Variants in MACF1 observed in about 807,000 individuals in gnomAD.
MACF1 encodes the protein microtubule actin crosslinking factor 1, also known as microtubule-actin cross-linking factor 1.
A neutral mutation model predicts 854.8 loss-of-function variants in MACF1; 193 were observed. The ratio of observed to expected loss-of-function variants is 0.23; its 90% CI spans 0.20 to 0.25. MACF1 has a LOEUF of 0.25. MACF1 is among the 10% of genes least tolerant of loss of function. The pLI, the probability that MACF1 is intolerant of heterozygous loss-of-function variation, is 1.00. For missense variants in MACF1, 7,722 were observed against 8,929.1 expected, an observed-to-expected ratio of 0.86 and a Z score of 5.45; for synonymous variants, 3,185 against 3,226.7, an observed-to-expected ratio of 0.99 and a Z score of 0.44.
intron 23 of MACF1, among the ~76,000 whole-genome samples, chr1:39,303,866 G>A (rs1646106641): frequency 6.7e-6 from 1 of 149,178 alleles, no homozygotes; most frequent in Admixed American, 6.7e-5. Context: ...GACAAAGGGA[G>A]ACTCCGTCTC....
intron 1 of MACF1, among the ~76,000 whole-genome samples, chr1:39,225,998 C>T (rs1299620459): frequency 6.6e-6 from 1 of 152,090 alleles, no homozygotes; most frequent in Non-Finnish European, 1.5e-5. Flanking sequence ...TTCTTTTATC[C>T]TGAAGTTTAA....
chr1:39,187,895 T>TGTCTCTCTCTCTCTCTCTCTC (rs1553160211), intron 2 of MACF1, among the ~76,000 whole-genome samples: 31 of 68,436 alleles, frequency 4.5e-4, no homozygotes, highest in East Asian at 2.0e-3. Context: ...TCTCTCTCTC[T>TGTCTCTCTCTCTCTCTCTCTC]CTCTCTCCTC....
intron 28 of MACF1, among the ~76,000 whole-genome samples, 200 bp from the exon 29 acceptor site, chr1:39,317,014 G>T (rs908321285): frequency 2.0e-5 from 3 of 152,232 alleles, no homozygotes; most frequent in Non-Finnish European, 4.4e-5. Flanking sequence ...ATAGAGTACT[G>T]CCTGTCCTTG....
At position 39,335,602 on chromosome 1, in the gene MACF1, T is replaced by G; in HGVS notation, c.9014T>G (p.Ile3005Ser). Residue 3005 changes from isoleucine (I) to serine (S), a missense_variant, in exon 37 of 101, where the codon ATT (isoleucine) becomes AGT (serine). Ile to Ser is a moderately radical substitution (Grantham distance 142, BLOSUM62 -2). Around this residue, in one of 15 missense-constraint regions of MACF1, gnomAD observed 854 missense variants for 852.6 expected, o/e 1.00. Transcript: ENST00000564288. ...SEEKLYQETA[I>S]RDEHDSHIKS... ...GAAAAGTTGTATCAGGAAACTGCCA[T>G]TAGAGATGAGCATGACTCCCATATA... 1.2e-6 allele frequency: 2 copies of G among 1,614,100 alleles called. No individual in the cohort carries two copies. The highest frequency in any genetic ancestry group is 2.2e-5 in the South Asian group (2 of 91,072).
At chr1:39,118,863 C>G (rs1256735541) in intron 2 of MACF1, among the ~76,000 whole-genome samples, 3 of 152,136 alleles carry the variant, frequency 2.0e-5, no homozygotes, top group Non-Finnish European at 4.4e-5. Flanking sequence ...AGCCGAAACT[C>G]CAGCATCCTT....
chr1:39,088,502 C>T (rs779635766), intron 2 of MACF1, among the ~76,000 whole-genome samples: 9 of 152,300 alleles, frequency 5.9e-5, no homozygotes, highest in African/African-American at 9.6e-5. Flanking sequence ...TGGTCACTTC[C>T]GGGAAAGGCC....
intron 2 of MACF1, among the ~76,000 whole-genome samples, chr1:39,126,814 C>A (rs1468355707): frequency 6.6e-6 from 1 of 151,684 alleles, no homozygotes; most frequent in Non-Finnish European, 1.5e-5. Context: ...AAAAAACAAA[C>A]AAAAAAATCA....
chr1:39,433,266 T>G, intron 68 of MACF1, 111 bp downstream of exon 68: 1 of 593,706 alleles, frequency 1.7e-6, no homozygotes, highest in East Asian at 3.0e-5. Context: ...ACTTTTCTTA[T>G]GATTGTTATT....
chr1:39,164,431 G>A (rs780909853), intron 2 of MACF1, among the ~76,000 whole-genome samples: 10 of 152,204 alleles, frequency 6.6e-5, no homozygotes, highest in Non-Finnish European at 1.2e-4. Context: ...TGGCCAGTTG[G>A]CTCAGATGTT....
intron 54 of MACF1, among the ~76,000 whole-genome samples, chr1:39,379,697 C>A (rs1257884187): frequency 6.6e-6 from 1 of 152,324 alleles, no homozygotes; most frequent in South Asian, 2.1e-4. Context: ...ATAGCCCTCC[C>A]CAGAATCGTT....
chr1:39,239,067 G>A (rs1488709897), intron 2 of MACF1, among the ~76,000 whole-genome samples: 2 of 152,144 alleles, frequency 1.3e-5, no homozygotes, highest in Non-Finnish European at 1.5e-5. Flanking sequence ...GATCACTTGA[G>A]GTCAGGAGTT....
intron 58 of MACF1, among the ~76,000 whole-genome samples, chr1:39,408,195 C>G (rs1362063888): frequency 6.6e-6 from 1 of 152,122 alleles, no homozygotes; most frequent in Non-Finnish European, 1.5e-5. Flanking sequence ...CCCACCTCCC[C>G]CAACACCCCA....
chr1:39,340,743 G>T, intron 39 of MACF1, 26 bp downstream of exon 39: 1 of 1,612,716 alleles, frequency 6.2e-7, no homozygotes, highest in Non-Finnish European at 8.5e-7. Context: ...TATTCATAAA[G>T]GCTCACAAAG....
intron 2 of MACF1, among the ~76,000 whole-genome samples, chr1:39,193,689 T>G (rs991536851): frequency 2.8e-4 from 43 of 152,112 alleles, no homozygotes; most frequent in Non-Finnish European, 5.6e-4. Context: ...TTAAAGAGAT[T>G]AAGTAATTGG....
At chr1:39,467,554 G>A (rs1644696360) in intron 95 of MACF1, among the ~76,000 whole-genome samples, 1 of 152,132 alleles carries the variant, frequency 6.6e-6, no homozygotes, top group African/African-American at 2.4e-5. Flanking sequence ...AACTCCAGAT[G>A]TTTAGAGCTG....
rs1649095874 is a variant in MACF1 at position 39,370,055 on chromosome 1, G to A, written c.12964G>A (p.Glu4322Lys). The A allele has an allele frequency of 1.2e-6, 2 of 1,613,628 alleles. No homozygotes were observed. The highest frequency in any genetic ancestry group is 1.7e-6 in the Non-Finnish European group (2 of 1,179,850). ...EREKDASSCQ[E>K]QLDEFRKLVR... ...AGAGAAAGATGCATCATCTTGCCAG[G>A]AACAGTTGGATGAATTCCGGAAGCT... The change falls in exon 51 of 101, where the codon GAA (glutamate) becomes AAA (lysine). Residue 4322 changes from glutamate to lysine, a missense_variant. By Grantham distance (56) the Glu-to-Lys change is moderately conservative (BLOSUM62 1). Around this residue, in one of 15 missense-constraint regions of MACF1, gnomAD observed 2,807 missense variants for 3,235.8 expected, o/e 0.87. Coordinates refer to ENST00000564288, the MANE Select transcript of MACF1 (RefSeq NM_001394062.1).
chr1:39,304,231 G>A (rs1557576220), intron 23 of MACF1: 4 of 356,936 alleles, frequency 1.1e-5, no homozygotes, highest in South Asian at 8.6e-5. Flanking sequence ...CCCTTCCTGT[G>A]TCCAAGTGTT....
At chr1:39,418,845 A>G (rs749826219) in intron 58 of MACF1, among the ~76,000 whole-genome samples, 4 of 151,666 alleles carry the variant, frequency 2.6e-5, no homozygotes, top group Non-Finnish European at 5.9e-5. Flanking sequence ...CCTGGGCAAC[A>G]GTGTGAGACC....
intron 2 of MACF1, among the ~76,000 whole-genome samples, chr1:39,184,656 G>A (rs918513432): frequency 6.6e-6 from 1 of 151,996 alleles, no homozygotes; most frequent in Non-Finnish European, 1.5e-5. Context: ...TTTTCATATC[G>A]CAAAGCAGTA....
Sources: allele counts gnomAD v4.1 joint callset (sites outside exome capture counted in the v4.1 genomes callset), GRCh38; gene constraint gnomAD v4.1.1; regional missense constraint gnomAD v4.1.1; transcripts MANE v1.5; gene names NCBI Gene and HGNC (gene_info 2026-07-23, HGNC 2026-07-21).